UBE2N: variants seen among roughly 807,000 people sequenced by gnomAD.
UBE2N encodes ubiquitin-conjugating enzyme E2 N.
For missense variants in UBE2N, 60 were observed against 192.1 expected (o/e 0.31, Z 4.07); for synonymous variants, 70 against 69.2 (o/e 1.01, Z -0.06).
intron 1 of UBE2N, among the ~76,000 whole-genome samples, chr12:93,432,989 G>T (rs1878816512): frequency 6.9e-6 from 1 of 144,306 alleles, no homozygotes; most frequent in South Asian, 2.2e-4. Context: ...GGAGTGCAGT[G>T]GGGTGATCTC....
At chr12:93,425,541 G>C (rs956774125) in intron 1 of UBE2N, among the ~76,000 whole-genome samples, 39 of 152,178 alleles carry the variant, frequency 2.6e-4, no homozygotes, top group Admixed American at 1.3e-4. Context: ...TTGGACACCA[G>C]TGTGTCTTGC....
At position 93,407,287 on chromosome 12, in the gene UBE2N, T is replaced by C. The variant is rs1877871961; in HGVS notation, c.*2752A>G. 1 of 152,348 alleles carries C rather than the reference T, an allele frequency of 6.6e-6. No individual in the cohort carries two copies. The highest frequency in any genetic ancestry group is 2.4e-5 in the African/African-American group (1 of 41,460). The allele number at this position is 152,348 out of a possible 1,614,324, so 9.4% of individuals were successfully genotyped here. On this transcript the variant is annotated 3_prime_UTR_variant, in exon 4 of 4. Transcript: ENST00000318066. ...AAAGTCTGTCCAAGTTACTTCTCTT[T>C]TCCATGACAGAGTTACAACTATTTG...
intron 1 of UBE2N, among the ~76,000 whole-genome samples, chr12:93,418,735 AAAGTAAAAAGAAAC>A (rs1476124485): frequency 3.9e-5 from 6 of 152,322 alleles, no homozygotes; most frequent in Non-Finnish European, 8.8e-5. Context: ...GCCAAATAAA[AAAGTAAAAAGAAAC>A]AAGTAAAATT....
At chr12:93,433,023 C>A (rs1463860640) in intron 1 of UBE2N, among the ~76,000 whole-genome samples, 2 of 147,800 alleles carry the variant, frequency 1.4e-5, no homozygotes, top group South Asian at 2.1e-4. Flanking sequence ...CTCTGCTGCT[C>A]CCGGGTTCAC....
chr12:93,419,946 A>G (rs868709263), intron 1 of UBE2N, among the ~76,000 whole-genome samples: 1 of 152,172 alleles, frequency 6.6e-6, no homozygotes, highest in Middle Eastern at 3.2e-3. Context: ...ACTCCCCCAG[A>G]TAAGCTAACT....
rs1281852483 is a variant in UBE2N, at chr12:93,409,339, A to C, written c.*700T>G. ...AAAATGAAATAAACACAGTAAAATA[A>C]ACTGTACAAAGGCAAAGTAGAATAA... On this transcript the variant is annotated 3_prime_UTR_variant, in exon 4 of 4. Coordinates refer to ENST00000318066, the MANE Select transcript of UBE2N (RefSeq NM_003348.4). The C allele has an allele frequency of 6.2e-6, 1 of 161,188 alleles. No homozygotes were observed. Among genetic ancestry groups the C allele is most frequent in the Non-Finnish European group, 1.5e-5 (1 of 68,100 alleles). The allele number at this position is 161,188 out of a possible 1,614,324, so 10.0% of individuals were successfully genotyped here.
chr12:93,418,625 A>G (rs533875814), intron 1 of UBE2N, among the ~76,000 whole-genome samples: 1 of 152,158 alleles, frequency 6.6e-6, no homozygotes, highest in African/African-American at 2.4e-5. Context: ...ACCTAGAGAT[A>G]CACTAAGATA....
At chr12:93,424,825 A>G (rs1229907444) in intron 1 of UBE2N, among the ~76,000 whole-genome samples, 1 of 152,254 alleles carries the variant, frequency 6.6e-6, no homozygotes, top group Non-Finnish European at 1.5e-5. Context: ...TATTTACCCA[A>G]AACATCCCAT....
chr12:93,424,580 G>A (rs1192792580), intron 1 of UBE2N, among the ~76,000 whole-genome samples: 2 of 152,210 alleles, frequency 1.3e-5, no homozygotes, highest in Non-Finnish European at 2.9e-5. Flanking sequence ...AGATATTGGA[G>A]GGTTGTCTCC....
chr12:93,438,519 T>A (rs1879004264), intron 1 of UBE2N, among the ~76,000 whole-genome samples: 1 of 151,066 alleles, frequency 6.6e-6, no homozygotes, highest in Non-Finnish European at 1.5e-5. Flanking sequence ...GAGAGAGAAG[T>A]GCAGATGCGC....
At chr12:93,432,476 C>CAAAAA (rs1277904471) in intron 1 of UBE2N, among the ~76,000 whole-genome samples, 1 of 109,130 alleles carries the variant, frequency 9.2e-6, no homozygotes, top group Non-Finnish European at 2.1e-5. Flanking sequence ...TTAAGAGTCA[C>CAAAAA]AAAAAAAAAA....
At chr12:93,427,338 T>C (rs186933650) in intron 1 of UBE2N, among the ~76,000 whole-genome samples, 39 of 152,350 alleles carry the variant, frequency 2.6e-4, no homozygotes, top group Non-Finnish European at 4.4e-4. Flanking sequence ...AGATTACCTA[T>C]CTCCTAAAAA....
intron 1 of UBE2N, among the ~76,000 whole-genome samples, chr12:93,427,845 AAAGT>A (rs1294258562): frequency 1.3e-5 from 2 of 152,246 alleles, no homozygotes; most frequent in African/African-American, 2.4e-5. Flanking sequence ...TGGAATAGTA[AAAGT>A]AAGTGAAGGG....
At position 93,413,798 on chromosome 12, in the gene UBE2N, C is replaced by T. The variant is rs561028451; in HGVS notation, c.31-2499G>A. ...TGACCTGGCATACTACAACAGCCTC[C>T]TAACCTGTTCTTCCTGCTTCTGACC... On this transcript the variant is annotated intron_variant, in intron 1 of 3. Transcript: ENST00000318066. Among the ~76,000 whole-genome samples the T allele has an allele frequency of 2.0e-5, 3 of 152,310 alleles. No individual in the cohort carries two copies. The East Asian group carries it at 5.8e-4, about 29-fold the overall frequency.
chr12:93,438,990 G>C (rs146473242), intron 1 of UBE2N, among the ~76,000 whole-genome samples: 1 of 152,178 alleles, frequency 6.6e-6, no homozygotes, highest in African/African-American at 2.4e-5. Flanking sequence ...TCAGTTTCTA[G>C]ACTGCAAAAT....
intron 1 of UBE2N, among the ~76,000 whole-genome samples, chr12:93,440,800 T>C (rs1384216422): frequency 1.3e-5 from 2 of 152,226 alleles, no homozygotes; most frequent in African/African-American, 2.4e-5. Flanking sequence ...TGAAGACTTG[T>C]CGATATTTCC....
chr12:93,432,427 T>G (rs750678992), intron 1 of UBE2N, among the ~76,000 whole-genome samples: 1 of 151,892 alleles, frequency 6.6e-6, no homozygotes, highest in Non-Finnish European at 1.5e-5. Context: ...TAAAACCACT[T>G]TGTCCCTGCC....
At chr12:93,422,928 T>A (rs963503016) in intron 1 of UBE2N, among the ~76,000 whole-genome samples, 1 of 152,208 alleles carries the variant, frequency 6.6e-6, no homozygotes, top group Non-Finnish European at 1.5e-5. Context: ...TTAAGTAACT[T>A]GTAGAAAAAG....
chr12:93,429,098 C>T (rs1418427865), intron 1 of UBE2N, among the ~76,000 whole-genome samples: 2 of 151,874 alleles, frequency 1.3e-5, no homozygotes, highest in Admixed American at 1.3e-4. Flanking sequence ...GGTGAAACCC[C>T]GTCTCTACTA....
Sources: gnomAD v4.1 joint callset for allele counts (sites outside exome capture counted in the v4.1 genomes callset) on GRCh38, gnomAD v4.1.1 for gene constraint, MANE v1.5 for transcripts, NCBI Gene and HGNC (gene_info 2026-07-23, HGNC 2026-07-21) for gene names.